AK4: variants seen among roughly 807,000 people sequenced by gnomAD.
AK4 encodes adenylate kinase 4, mitochondrial.
AK4 carries 13 observed loss-of-function variants against 24.6 expected under a neutral mutation model. The observed-to-expected ratio is 0.53, with a 90% CI of 0.34 to 0.84. The LOEUF is 0.84. Among genes scored for constraint, AK4 ranks in the 40% least tolerant of loss-of-function variants. The probability of loss-of-function intolerance (pLI) is 0.01; values close to 1 mark genes in which losing one functional copy is unlikely to be tolerated. For missense variants in AK4, 192 were observed against 288.2 expected (o/e 0.67, Z 2.42); for synonymous variants, 88 against 107.0 (o/e 0.82, Z 1.10).
intron 2 of AK4, among the ~76,000 whole-genome samples, chr1:65,216,940 A>G (rs1490616670): frequency 6.6e-6 from 1 of 152,120 alleles, no homozygotes; most frequent in East Asian, 1.9e-4. Flanking sequence ...GCCTCAAGTG[A>G]TCCCACTGCC....
chr1:65,201,701 G>C (rs1651667486), intron 2 of AK4, among the ~76,000 whole-genome samples: 9 of 152,156 alleles, frequency 5.9e-5, no homozygotes, highest in Admixed American at 4.6e-4. Flanking sequence ...GTGATGGCTG[G>C]CGCAGAGAGG....
intron 1 of AK4, among the ~76,000 whole-genome samples, chr1:65,153,805 A>G (rs1485638213): frequency 6.6e-6 from 1 of 152,196 alleles, no homozygotes; most frequent in African/African-American, 2.4e-5. Flanking sequence ...TGTGATGATT[A>G]GGAACAGGTT....
intron 1 of AK4, among the ~76,000 whole-genome samples, chr1:65,161,293 C>T (rs1650150069): frequency 6.6e-6 from 1 of 152,096 alleles, no homozygotes; most frequent in Non-Finnish European, 1.5e-5. Context: ...TGTCACATGT[C>T]CCAGCATTAG....
intron 2 of AK4, among the ~76,000 whole-genome samples, chr1:65,197,076 T>C (rs141191341): frequency 7.2e-5 from 11 of 152,218 alleles, no homozygotes; most frequent in African/African-American, 2.4e-4. Context: ...TTCAGTTACC[T>C]CCTACCAGGT....
chr1:65,195,575 T>C (rs140225765), intron 2 of AK4, among the ~76,000 whole-genome samples: 26 of 152,340 alleles, frequency 1.7e-4, no homozygotes, highest in African/African-American at 6.0e-4. Context: ...ATTGAGAGCA[T>C]GGACCCGGGT....
In AK4 at chr1:65,172,313, A is replaced by G. The variant is rs192177755; in HGVS notation, c.146-18397A>G. Among the ~76,000 whole-genome samples the G allele has an allele frequency of 3.3e-5, 5 of 151,830 alleles. No homozygotes were observed. In the South Asian group the frequency reaches 8.3e-4, roughly 25 times the overall value. The stretch of plus-strand genomic sequence containing the variant: ...GTTTAGTGTTAAATAAAAAGAAAAA[A>G]GGGAGGGGAGATTCTTGTCTCGAAT... On this transcript the variant is annotated intron_variant, in intron 1 of 4. Transcript: ENST00000327299.
chr1:65,204,994 A>G (rs1399132099), intron 2 of AK4, among the ~76,000 whole-genome samples: 1 of 152,208 alleles, frequency 6.6e-6, no homozygotes, highest in African/African-American at 2.4e-5. Context: ...CGTGAACTGT[A>G]TCTGAGTAAA....
At chr1:65,160,235 T>A (rs902071631) in intron 1 of AK4, among the ~76,000 whole-genome samples, 1 of 152,128 alleles carries the variant, frequency 6.6e-6, no homozygotes, top group African/African-American at 2.4e-5. Flanking sequence ...TGAGATCAAG[T>A]AATTTATAAA....
intron 1 of AK4, among the ~76,000 whole-genome samples, chr1:65,186,640 T>A (rs551044925): frequency 6.6e-6 from 1 of 152,326 alleles, no homozygotes; most frequent in African/African-American, 2.4e-5. Flanking sequence ...GTCTTTCACC[T>A]TGGAAGATGT....
chr1:65,149,742 C>G (rs1339275712), intron 1 of AK4, among the ~76,000 whole-genome samples: 1 of 152,136 alleles, frequency 6.6e-6, no homozygotes, highest in East Asian at 1.9e-4. Flanking sequence ...ATTGAAAAAG[C>G]GGACTTTTAC....
chr1:65,221,895 G>A (rs896454310), intron 3 of AK4, among the ~76,000 whole-genome samples: 1 of 152,198 alleles, frequency 6.6e-6, no homozygotes, highest in Non-Finnish European at 1.5e-5. Flanking sequence ...TGGCTATGTT[G>A]TCTGGGATAT....
chr1:65,215,879 C>A lies in AK4; in HGVS notation c.266-2875C>A, dbSNP rs537402049. Among the ~76,000 whole-genome samples, 5 of 152,268 alleles carry A rather than the reference C, an allele frequency of 3.3e-5. No homozygotes were observed. The South Asian group carries it at 1.0e-3, about 32-fold the overall frequency. ...ATGTTATCTTTTAGAGCTTCCTGTT[C>A]TTTTCTTTTCTAGTGCTTCCCCCGC... On this transcript the variant is annotated intron_variant, in intron 2 of 4. Coordinates refer to ENST00000327299, the MANE Select transcript of AK4 (RefSeq NM_013410.4).
chr1:65,206,157 C>A (rs989404050), intron 2 of AK4, among the ~76,000 whole-genome samples: 1 of 152,180 alleles, frequency 6.6e-6, no homozygotes. Context: ...CCTCCCCTAT[C>A]CCTCCACCCC....
At chr1:65,158,060 G>T (rs911566857) in intron 1 of AK4, among the ~76,000 whole-genome samples, 10 of 152,082 alleles carry the variant, frequency 6.6e-5, no homozygotes, top group Non-Finnish European at 5.9e-5. Flanking sequence ...ATTTTAGTCC[G>T]CATCCATCTC....
chr1:65,214,671 TAGTG>T (rs1420530757), intron 2 of AK4, among the ~76,000 whole-genome samples: 1 of 152,170 alleles, frequency 6.6e-6, no homozygotes, highest in African/African-American at 2.4e-5. Context: ...ACTTTTGAAA[TAGTG>T]AGTGGCACCC....
chr1:65,152,316 ATCTCTCTCTC>A (rs1158775260), intron 1 of AK4, among the ~76,000 whole-genome samples: 548 of 32,416 alleles, frequency 0.017, 10 homozygotes, highest in East Asian at 0.077. Flanking sequence ...TGCACTTGCT[ATCTCTCTCTC>A]TCTCTCTCTC....
intron 2 of AK4, among the ~76,000 whole-genome samples, chr1:65,208,392 A>G (rs1048365636): frequency 1.3e-5 from 2 of 152,188 alleles, no homozygotes; most frequent in Non-Finnish European, 2.9e-5. Context: ...ATTTGCTACT[A>G]AGGCTTCCAG....
intron 1 of AK4, among the ~76,000 whole-genome samples, chr1:65,180,276 C>T (rs141819645): frequency 2.6e-5 from 4 of 152,148 alleles, no homozygotes; most frequent in Admixed American, 6.5e-5. Context: ...GGTAAAACCC[C>T]GTGTCTACTA....
chr1:65,169,797 C>A (rs1229505196), intron 1 of AK4, among the ~76,000 whole-genome samples: 2 of 152,108 alleles, frequency 1.3e-5, no homozygotes, highest in African/African-American at 4.8e-5. Flanking sequence ...TTTGAACTTT[C>A]TGCAGTTTTT....
Sources: gnomAD v4.1 joint callset for allele counts (sites outside exome capture counted in the v4.1 genomes callset) on GRCh38, gnomAD v4.1.1 for gene constraint, MANE v1.5 for transcripts, NCBI Gene and HGNC (gene_info 2026-07-23, HGNC 2026-07-21) for gene names.